WDPCP: variants seen among roughly 807,000 people sequenced by gnomAD.
The protein encoded by WDPCP is WD repeat-containing and planar cell polarity effector protein fritz homolog.
In WDPCP, 71 loss-of-function variants were observed where a neutral mutation model predicts 93.1. That is an observed-to-expected ratio of 0.76 (90% CI 0.63 to 0.93). WDPCP has a LOEUF of 0.93. Among genes scored for constraint, WDPCP ranks in the 40% least tolerant of loss-of-function variants. The probability of loss-of-function intolerance (pLI) is 0.00; values close to 1 mark genes in which losing one functional copy is unlikely to be tolerated. For synonymous variants in WDPCP, 315 were observed against 315.0 expected, an observed-to-expected ratio of 1.00 and a Z score of 0.00; for missense variants, 844 against 887.4, an observed-to-expected ratio of 0.95 and a Z score of 0.62.
At chr2:63,189,979 C>T (rs150266507) in intron 14 of WDPCP, among the ~76,000 whole-genome samples, 15 of 152,180 alleles carry the variant, frequency 9.9e-5, no homozygotes, top group African/African-American at 3.4e-4. Context: ...TTCTTAAAAG[C>T]AAACATTTAT....
intron 3 of WDPCP, chr2:63,644,110 GAGA>G (rs1671525800): frequency 2.9e-6 from 1 of 339,236 alleles, no homozygotes; most frequent in Non-Finnish European, 5.8e-6. Context: ...GTATTTTGTT[GAGA>G]ATTTTTGCAT....
chr2:63,381,870 A>G, intron 11 of WDPCP, 36 bp downstream of exon 11: 1 of 1,608,720 alleles, frequency 6.2e-7, no homozygotes, highest in Non-Finnish European at 8.5e-7. Context: ...TCATGTATAT[A>G]CAAAACTCAT....
At chr2:63,681,943 A>G (rs1309227279) in intron 2 of WDPCP, among the ~76,000 whole-genome samples, 2 of 152,234 alleles carry the variant, frequency 1.3e-5, no homozygotes, top group Non-Finnish European at 2.9e-5. Flanking sequence ...CACAAAGCTG[A>G]TATTTCCACA....
At chr2:63,559,737 G>C (rs1036610295) in intron 1 of WDPCP, among the ~76,000 whole-genome samples, 1 of 152,092 alleles carries the variant, frequency 6.6e-6, no homozygotes, top group East Asian at 1.9e-4. Flanking sequence ...GGAAGTGAAG[G>C]ACCTCTTCAA....
intron 3 of WDPCP, chr2:63,622,833 G>A (rs1037410013): frequency 2.6e-5 from 41 of 1,606,860 alleles, no homozygotes; most frequent in Middle Eastern, 1.7e-4. Flanking sequence ...CTTAACCATC[G>A]TCCTGGCCGA....
intron 1 of WDPCP, among the ~76,000 whole-genome samples, chr2:63,556,768 G>C (rs1706155306): frequency 1.3e-5 from 2 of 152,166 alleles, no homozygotes; most frequent in African/African-American, 2.4e-5. Flanking sequence ...CAGCCAGAGA[G>C]AAAGGCCAGG....
chr2:63,730,797 T>C (rs1669550902), intron 2 of WDPCP, among the ~76,000 whole-genome samples: 1 of 152,044 alleles, frequency 6.6e-6, no homozygotes. Context: ...GATAATGATT[T>C]ACTAGTAGGA....
At chr2:63,407,713 T>C (rs1478501290) in intron 9 of WDPCP, among the ~76,000 whole-genome samples, 4 of 152,238 alleles carry the variant, frequency 2.6e-5, no homozygotes, top group Admixed American at 6.5e-5. Flanking sequence ...ATCTGTCTTA[T>C]ATATTTTACA....
At chr2:63,601,100 C>T (rs1709409788) in intron 3 of WDPCP, among the ~76,000 whole-genome samples, 1 of 152,194 alleles carries the variant, frequency 6.6e-6, no homozygotes, top group Non-Finnish European at 1.5e-5. Context: ...TCTCCTCAGA[C>T]TTTAACCTTC....
In WDPCP at chr2:63,508,104, G is replaced by A. The variant is rs538973851; in HGVS notation, c.76-15164C>T. On this transcript the variant is annotated intron_variant, in intron 1 of 17. Coordinates refer to ENST00000272321, the MANE Select transcript of WDPCP (RefSeq NM_015910.7). ...AGAGAACACCACAAAGATGCTCCTC[G>A]AGAAGAGCAACCCCAAGACAAATGA... Among the ~76,000 whole-genome samples, 9 of 152,136 alleles carry A rather than the reference G, an allele frequency of 5.9e-5. No individual in the cohort carries two copies. The East Asian group carries it at 1.4e-3, about 23-fold the overall frequency.
rs1348552555 is a variant in WDPCP at position 63,676,768 on chromosome 2, G to GA, written n.309-25931dup. Among the ~76,000 whole-genome samples, 86 of 138,558 alleles carry GA rather than the reference G, an allele frequency of 6.2e-4. 1 individual carries two copies. Among genetic ancestry groups the GA allele is most frequent in the South Asian group, 2.5e-4 (1 of 4,046 alleles). The allele number at this position is 138,558 out of a possible 152,430, so 90.9% of individuals were successfully genotyped here. ...TGCTTTTTAGGGAGGATACAGATGT[G>GA]AAAAAATTGCATAGAACTACACATA... On this transcript the variant is annotated intron_variant and non_coding_transcript_variant, in intron 2 of 4. Transcript: ENST00000467687.
At chr2:63,505,794 C>T (rs553001760) in intron 1 of WDPCP, among the ~76,000 whole-genome samples, 1 of 152,172 alleles carries the variant, frequency 6.6e-6, no homozygotes, top group South Asian at 2.1e-4. Context: ...ATTTACAAAG[C>T]ATCTACTAAG....
chr2:63,657,505 G>A (rs556665312), intron 2 of WDPCP, among the ~76,000 whole-genome samples: 18 of 152,188 alleles, frequency 1.2e-4, no homozygotes, highest in African/African-American at 2.9e-4. Flanking sequence ...CGCGGCGCCC[G>A]GCCTCTGAGT....
upstream of WDPCP, chr2:63,593,729 T>C: frequency 4.3e-6 from 2 of 470,276 alleles, no homozygotes; most frequent in Admixed American, 4.7e-5. Context: ...AACCTACCCA[T>C]TACGTTTCTA....
intron 9 of WDPCP, among the ~76,000 whole-genome samples, chr2:63,426,754 A>G (rs1234290632): frequency 1.3e-5 from 2 of 152,206 alleles, no homozygotes; most frequent in African/African-American, 4.8e-5. Flanking sequence ...TCCCACTTAA[A>G]AGGCATGGAG....
At chr2:63,247,871 G>T (rs1680412839) in intron 14 of WDPCP, among the ~76,000 whole-genome samples, 1 of 150,802 alleles carries the variant, frequency 6.6e-6, no homozygotes, top group Admixed American at 6.6e-5. Context: ...GCCTTCTTTT[G>T]TTTTTAGTTG....
At chr2:63,463,776 C>T (rs550551857) in intron 6 of WDPCP, among the ~76,000 whole-genome samples, 1 of 152,254 alleles carries the variant, frequency 6.6e-6, no homozygotes, top group African/African-American at 2.4e-5. Flanking sequence ...GCTGAGAAAA[C>T]TGGATATTCA....
intron 14 of WDPCP, among the ~76,000 whole-genome samples, chr2:63,180,176 T>G (rs894429620): frequency 6.6e-6 from 1 of 152,138 alleles, no homozygotes; most frequent in Non-Finnish European, 1.5e-5. Context: ...GGGTGGTAAC[T>G]GTGTTGTTGA....
intron 3 of WDPCP, among the ~76,000 whole-genome samples, chr2:63,641,614 C>G (rs1475036639): frequency 6.6e-6 from 1 of 152,084 alleles, no homozygotes; most frequent in Non-Finnish European, 1.5e-5. Context: ...CTCTGCACAT[C>G]TTTTGCCCAT....
Sources: gnomAD v4.1 joint callset for allele counts (sites outside exome capture counted in the v4.1 genomes callset) on GRCh38, gnomAD v4.1.1 for gene constraint, MANE v1.5 for transcripts, NCBI Gene and HGNC (gene_info 2026-07-23, HGNC 2026-07-21) for gene names.